The following CA1 variants were observed in gnomAD, a reference collection of about 807,000 sequenced individuals.
CA1 encodes carbonate dehydratase I.
A neutral mutation model predicts 28.8 loss-of-function variants in CA1; 27 were observed. That is an observed-to-expected ratio of 0.94 (90% CI 0.69 to 1.29). CA1 has a LOEUF of 1.29. CA1 is among the 50% of genes most tolerant of loss of function. The pLI is 0.00. For missense variants in CA1, 335 were observed against 310.5 expected (o/e 1.08, Z -0.59); for synonymous variants, 121 against 108.8 (o/e 1.11, Z -0.70).
At chr8:85,366,700 A>C (rs1810020338) in intron 1 of CA1, among the ~76,000 whole-genome samples, 1 of 152,226 alleles carries the variant, frequency 6.6e-6, no homozygotes, top group Admixed American at 6.5e-5. Flanking sequence ...AAGAGCAGGC[A>C]TTTCAAAATA....
intron 1 of CA1, among the ~76,000 whole-genome samples, chr8:85,368,951 A>T (rs1008790338): frequency 6.6e-6 from 1 of 152,118 alleles, no homozygotes; most frequent in Non-Finnish European, 1.5e-5. Flanking sequence ...TTTTGGGGTC[A>T]TGGGTTTTTT....
In CA1 at chr8:85,371,552, G is replaced by A. The variant is rs1037856495; in HGVS notation, c.-25+6494C>T. 2.0e-5 allele frequency among the ~76,000 whole-genome samples: 3 copies of A among 152,136 alleles called. No individual in the cohort carries two copies. The East Asian group carries it at 5.8e-4, about 29-fold the overall frequency. On this transcript the variant is annotated intron_variant, in intron 1 of 7. Transcript: ENST00000523022. Reference sequence around the variant, plus strand: ...GTACACCCAAGCAGAAATCAGCCCAGCTGGGGCAGCATCCTTGCCCTTTGG... The same window carrying A: ...GTACACCCAAGCAGAAATCAGCCCAACTGGGGCAGCATCCTTGCCCTTTGG...
intron 7 of CA1, among the ~76,000 whole-genome samples, chr8:85,328,905 ATTTAATTATTTGC>A (rs1808284158): frequency 6.6e-6 from 1 of 152,014 alleles, no homozygotes; most frequent in East Asian, 1.9e-4. Context: ...AATAAAGCAA[ATTTAATTATTTGC>A]TTTATTTTAT....
At chr8:85,345,578 G>A (rs1809145333) in intron 1 of CA1, among the ~76,000 whole-genome samples, 1 of 152,056 alleles carries the variant, frequency 6.6e-6, no homozygotes, top group South Asian at 2.1e-4. Flanking sequence ...CACTTATAGA[G>A]AGAATAATTA....
At chr8:85,345,049 C>T (rs1809123939) in intron 1 of CA1, among the ~76,000 whole-genome samples, 1 of 152,140 alleles carries the variant, frequency 6.6e-6, no homozygotes, top group Non-Finnish European at 1.5e-5. Context: ...TTAGCCTGGA[C>T]ATTTCTGCAT....
chr8:85,340,255 A>G (rs896927708), intron 2 of CA1, among the ~76,000 whole-genome samples: 23 of 152,230 alleles, frequency 1.5e-4, no homozygotes, highest in Non-Finnish European at 2.9e-5. Context: ...CTCATTTAAC[A>G]TTCTGAAAAT....
intron 1 of CA1, among the ~76,000 whole-genome samples, chr8:85,363,746 C>T (rs1313192511): frequency 1.3e-5 from 2 of 152,218 alleles, no homozygotes; most frequent in East Asian, 1.9e-4. Context: ...TTTGCTCCCT[C>T]ATATCCAGCT....
chr8:85,335,541 A>G lies in CA1; in HGVS notation c.354+1404T>C, dbSNP rs149454587. The stretch of plus-strand genomic sequence containing the variant: ...AGCTGGGTACTTGCATTCTTAAGCA[A>G]CAGGCTGCATTGCCTCTCAAACCTA... On this transcript the variant is annotated intron_variant, in intron 4 of 7. Transcript: ENST00000523022. Among the ~76,000 whole-genome samples, 14 of 152,320 alleles carry G rather than the reference A, an allele frequency of 9.2e-5. 1 individual carries two copies. The East Asian group carries it at 2.5e-3, about 27-fold the overall frequency.
intron 1 of CA1, 56 bp downstream of exon 1, chr8:85,377,990 C>T (rs959804176): frequency 1.3e-5 from 2 of 152,058 alleles, no homozygotes; most frequent in African/African-American, 2.4e-5. Context: ...TTTTGGCAGT[C>T]GGATAAAACA....
chr8:85,331,141 AGTCTAT>A (rs1808378247), intron 6 of CA1, among the ~76,000 whole-genome samples: 1 of 152,112 alleles, frequency 6.6e-6, no homozygotes, highest in Non-Finnish European at 1.5e-5. Flanking sequence ...TTAGGTTCTC[AGTCTAT>A]TTAGGTATTC....
At chr8:85,357,688 G>A (rs1809653281) in intron 1 of CA1, among the ~76,000 whole-genome samples, 2 of 152,238 alleles carry the variant, frequency 1.3e-5, no homozygotes, top group Admixed American at 1.3e-4. Flanking sequence ...TTGTCTCTGG[G>A]ACTTAACATT....
At chr8:85,356,419 T>C (rs1215431730) in intron 1 of CA1, among the ~76,000 whole-genome samples, 1 of 152,118 alleles carries the variant, frequency 6.6e-6, no homozygotes, top group Non-Finnish European at 1.5e-5. Flanking sequence ...TATTATTATA[T>C]AGGAGATCAG....
At chr8:85,374,514 T>A (rs938878192) in intron 1 of CA1, among the ~76,000 whole-genome samples, 3 of 152,168 alleles carry the variant, frequency 2.0e-5, no homozygotes, top group Non-Finnish European at 4.4e-5. Flanking sequence ...ATCAAAAAAA[T>A]TTTGTAACAT....
In CA1 at chr8:85,344,208, AATATAATTATATT is replaced by A. The variant is rs1809052412; in HGVS notation, c.-24-2562_-24-2550del. Among the ~76,000 whole-genome samples the A allele has an allele frequency of 4.8e-5, 5 of 104,738 alleles. 1 individual carries two copies. The highest frequency in any genetic ancestry group is 2.5e-4 in the South Asian group (1 of 4,076). The allele number at this position is 104,738 out of a possible 152,430, so 68.7% of individuals were successfully genotyped here. A position where few individuals can be genotyped will look rare whatever the true frequency, so the allele number is the denominator to read the frequency against. On this transcript the variant is annotated intron_variant, in intron 1 of 7. Coordinates refer to ENST00000523022, the MANE Select transcript of CA1 (RefSeq NM_001128831.4). ...TATAATTATATATTATACAGTATAT[AATATAATTATATT>A]ATATACAGTATATAATATATAATTA...
intron 1 of CA1, among the ~76,000 whole-genome samples, chr8:85,354,673 G>T (rs1025067568): frequency 6.6e-6 from 1 of 152,160 alleles, no homozygotes; most frequent in African/African-American, 2.4e-5. Context: ...ACTGAAGGGT[G>T]TGTGTGGTGG....
At chr8:85,365,423 C>A (rs1381889098) in intron 1 of CA1, among the ~76,000 whole-genome samples, 1 of 152,170 alleles carries the variant, frequency 6.6e-6, no homozygotes, top group Non-Finnish European at 1.5e-5. Flanking sequence ...AGAAAGTGAG[C>A]ACTGCTTGGC....
intron 1 of CA1, among the ~76,000 whole-genome samples, chr8:85,362,709 GTTTCATT>G (rs1158337270): frequency 5.9e-5 from 9 of 152,060 alleles, no homozygotes; most frequent in Admixed American, 5.9e-4. Flanking sequence ...TGTACGAATA[GTTTCATT>G]ACTAAAGCAT....
intron 1 of CA1, among the ~76,000 whole-genome samples, chr8:85,373,719 G>A (rs960628641): frequency 6.6e-6 from 1 of 152,052 alleles, no homozygotes; most frequent in Non-Finnish European, 1.5e-5. Context: ...ACAGATAAGG[G>A]GGACTACTGT....
At chr8:85,341,518 T>C in intron 2 of CA1, 81 bp downstream of exon 2, 1 of 874,764 alleles carries the variant, frequency 1.1e-6, no homozygotes, top group Non-Finnish European at 2.0e-6. Flanking sequence ...GCTGTACAAT[T>C]ATTTTAAATA....
Sources: gnomAD v4.1 joint callset for allele counts (sites outside exome capture counted in the v4.1 genomes callset) on GRCh38, gnomAD v4.1.1 for gene constraint, MANE v1.5 for transcripts, NCBI Gene and HGNC (gene_info 2026-07-23, HGNC 2026-07-21) for gene names.